The following TMEM232 variants were observed in gnomAD, a reference collection of about 807,000 sequenced individuals.
TMEM232 encodes transmembrane protein 232.
A neutral mutation model predicts 78.8 loss-of-function variants in TMEM232; 80 were observed. The ratio of observed to expected loss-of-function variants is 1.01; its 90% confidence interval spans 0.85 to 1.22. The LOEUF (loss-of-function observed/expected upper bound fraction) is 1.22, where lower values mean the gene tolerates loss of function less well. TMEM232 is among the 50% of genes most tolerant of loss of function. The probability of loss-of-function intolerance (pLI) is 0.00; values close to 1 mark genes in which losing one functional copy is unlikely to be tolerated. For synonymous variants in TMEM232, 297 were observed against 254.3 expected, an observed-to-expected ratio of 1.17 and a Z score of -1.60; for missense variants, 881 against 742.2, an observed-to-expected ratio of 1.19 and a Z score of -2.17.
At chr5:110,483,715 G>A (rs775719798) in intron 12 of TMEM232, among the ~76,000 whole-genome samples, 14 of 151,586 alleles carry the variant, frequency 9.2e-5, no homozygotes, top group East Asian at 3.9e-4. Context: ...TAACCTGCAC[G>A]TTGTGCACAT....
At chr5:110,618,638 T>A (rs1783239441) in intron 7 of TMEM232, 76 bp from the exon 8 acceptor site, 2 of 1,362,456 alleles carry the variant, frequency 1.5e-6, no homozygotes. Flanking sequence ...TGAACAAACA[T>A]GAAAATAAAT....
At chr5:110,654,134 G>C (rs1788707292) in intron 2 of TMEM232, among the ~76,000 whole-genome samples, 1 of 152,178 alleles carries the variant, frequency 6.6e-6, no homozygotes, top group Non-Finnish European at 1.5e-5. Context: ...GTTATTAACA[G>C]TCCCTGCTGC....
At chr5:110,402,790 C>T (rs1365501990) in intron 2 of TMEM232, among the ~76,000 whole-genome samples, 1 of 151,932 alleles carries the variant, frequency 6.6e-6, no homozygotes, top group African/African-American at 2.4e-5. Context: ...GACACTTGTC[C>T]CTAGGGGAGG....
intron 3 of TMEM232, among the ~76,000 whole-genome samples, chr5:110,397,479 G>A (rs895291142): frequency 2.3e-4 from 35 of 152,142 alleles, no homozygotes; most frequent in South Asian, 8.3e-4. Flanking sequence ...GTATATTAGC[G>A]CTAATAGTGC....
intron 13 of TMEM232, among the ~76,000 whole-genome samples, chr5:110,424,328 T>C (rs887868191): frequency 2.0e-5 from 3 of 152,176 alleles, no homozygotes; most frequent in Non-Finnish European, 4.4e-5. Context: ...ATGATGTGTA[T>C]TTGGTTAAGA....
At chr5:110,474,827 G>A (rs1305597203) in intron 12 of TMEM232, among the ~76,000 whole-genome samples, 1 of 151,760 alleles carries the variant, frequency 6.6e-6, no homozygotes, top group African/African-American at 2.4e-5. Context: ...TAATGCTAAT[G>A]AAAAATTATT....
chr5:110,445,128 AT>A (rs1384663462), intron 12 of TMEM232, among the ~76,000 whole-genome samples: 1 of 151,238 alleles, frequency 6.6e-6, no homozygotes, highest in Admixed American at 6.6e-5. Context: ...TTTTTTGGAC[AT>A]TTTTTTCTTC....
intron 2 of TMEM232, among the ~76,000 whole-genome samples, chr5:110,652,546 A>G (rs1788484023): frequency 6.6e-6 from 1 of 152,204 alleles, no homozygotes; most frequent in Non-Finnish European, 1.5e-5. Context: ...GGCTTGTAAT[A>G]CATCATTGAA....
chr5:110,615,998 C>A (rs1782880829), intron 8 of TMEM232, among the ~76,000 whole-genome samples: 1 of 151,784 alleles, frequency 6.6e-6, no homozygotes, highest in African/African-American at 2.4e-5. Flanking sequence ...TCCATACTAC[C>A]CAAAGTAATT....
chr5:110,549,949 A>G (rs891635336), intron 11 of TMEM232, among the ~76,000 whole-genome samples: 4 of 152,152 alleles, frequency 2.6e-5, no homozygotes, highest in African/African-American at 9.6e-5. Context: ...GTATTAAAAA[A>G]ATATAATTTC....
intron 12 of TMEM232, among the ~76,000 whole-genome samples, chr5:110,482,529 C>T (rs1380866675): frequency 4.0e-5 from 6 of 149,512 alleles, no homozygotes; most frequent in Non-Finnish European, 7.4e-5. Context: ...TGCAGTGAGC[C>T]GAGATTGCGG....
At chr5:110,579,258 T>C (rs1210046912) in intron 10 of TMEM232, among the ~76,000 whole-genome samples, 2 of 150,194 alleles carry the variant, frequency 1.3e-5, no homozygotes, top group Non-Finnish European at 3.0e-5. Flanking sequence ...AAAACTGCAG[T>C]TTAAAAAAAA....
intron 12 of TMEM232, among the ~76,000 whole-genome samples, chr5:110,476,287 T>G (rs973526580): frequency 6.6e-6 from 1 of 151,984 alleles, no homozygotes; most frequent in Non-Finnish European, 1.5e-5. Flanking sequence ...CCAACTTGAC[T>G]GGTGTCCTTA....
intron 12 of TMEM232, among the ~76,000 whole-genome samples, chr5:110,474,526 T>G (rs1561540566): frequency 6.6e-6 from 1 of 152,050 alleles, no homozygotes; most frequent in East Asian, 1.9e-4. Context: ...CTATGATCAC[T>G]TCTATCTAAC....
chr5:110,567,277 T>C (rs1776447286), intron 11 of TMEM232, among the ~76,000 whole-genome samples: 1 of 151,648 alleles, frequency 6.6e-6, no homozygotes, highest in Admixed American at 6.6e-5. Context: ...AATAAAATTA[T>C]TTTTATTTTT....
At chr5:110,678,907 T>C (rs1792364987) in intron 1 of TMEM232, among the ~76,000 whole-genome samples, 1 of 152,234 alleles carries the variant, frequency 6.6e-6, no homozygotes, top group Non-Finnish European at 1.5e-5. Flanking sequence ...GATGTACCAC[T>C]GTTTTCCATT....
At chr5:110,585,475 G>A (rs1778702115) in intron 10 of TMEM232, among the ~76,000 whole-genome samples, 1 of 152,052 alleles carries the variant, frequency 6.6e-6, no homozygotes, top group Non-Finnish European at 1.5e-5. Context: ...TGTTGACAGG[G>A]TAGAAAATTG....
intron 1 of TMEM232, among the ~76,000 whole-genome samples, chr5:110,698,866 C>A (rs1164414544): frequency 3.3e-5 from 5 of 152,046 alleles, no homozygotes; most frequent in African/African-American, 1.2e-4. Context: ...CCTCTTTTGT[C>A]TGTACCAACC....
chr5:110,707,348 A>C (rs2150299477), intron 1 of TMEM232, among the ~76,000 whole-genome samples: 1 of 152,298 alleles, frequency 6.6e-6, no homozygotes, highest in Non-Finnish European at 1.5e-5. Context: ...TAATTGGAGG[A>C]GGGAGAGTGC....
Sources: allele counts gnomAD v4.1 joint callset (sites outside exome capture counted in the v4.1 genomes callset), GRCh38; gene constraint gnomAD v4.1.1; transcripts MANE v1.5; gene names NCBI Gene and HGNC (gene_info 2026-07-23, HGNC 2026-07-21).